The following KCTD8 variants were observed in gnomAD, a reference collection of about 807,000 sequenced individuals.
KCTD8 encodes the protein BTB/POZ domain-containing protein KCTD8.
Under a neutral mutation model 31.5 loss-of-function variants are expected in KCTD8, and 27 were observed. That is an observed-to-expected ratio of 0.86 (90% CI 0.63 to 1.18). The LOEUF (loss-of-function observed/expected upper bound fraction) is 1.18, where lower values mean the gene tolerates loss of function less well. Among genes scored for constraint, KCTD8 ranks in the 50% most tolerant of loss-of-function variants. The pLI is 0.00. For missense variants in KCTD8, 658 were observed against 647.7 expected (o/e 1.02, Z -0.17); for synonymous variants, 290 against 280.0 (o/e 1.04, Z -0.36).
At chr4:44,228,488 AC>A (rs1715028272) in intron 1 of KCTD8, among the ~76,000 whole-genome samples, 1 of 152,160 alleles carries the variant, frequency 6.6e-6, no homozygotes, top group Non-Finnish European at 1.5e-5. Context: ...AACTCCCAAC[AC>A]TTCTTCTCAC....
chr4:44,245,024 T>C (rs954420632), intron 1 of KCTD8, among the ~76,000 whole-genome samples: 2 of 152,176 alleles, frequency 1.3e-5, no homozygotes, highest in Non-Finnish European at 2.9e-5. Flanking sequence ...AAGCACATAC[T>C]TTATTTCAGT....
chr4:44,311,008 T>C (rs75891762), intron 1 of KCTD8, among the ~76,000 whole-genome samples: 1 of 91,878 alleles, frequency 1.1e-5, no homozygotes, highest in Non-Finnish European at 2.3e-5. Context: ...CTTCTTTGTA[T>C]TTTTTTTTCA....
chr4:44,299,595 G>T (rs1261154313), intron 1 of KCTD8, among the ~76,000 whole-genome samples: 5 of 151,892 alleles, frequency 3.3e-5, no homozygotes, highest in Non-Finnish European at 7.4e-5. Context: ...GGACGTGGTG[G>T]CAAGTGCCTG....
Position 44,401,010 on chromosome 4 carries a change from T to TC in KCTD8, c.961+46552dup, listed in dbSNP as rs201951039. ...CACTACCATGATGGCTAATTTTCTTTCTTTTTTTTTTTTTTTTTTTTTTGT... is the reference window on the plus strand; with the variant it reads ...CACTACCATGATGGCTAATTTTCTTTCCTTTTTTTTTTTTTTTTTTTTTTGT... On this transcript the variant is annotated intron_variant, in intron 1 of 1. Transcript: ENST00000360029. Among the ~76,000 whole-genome samples the TC allele has an allele frequency of 2.7e-4, 30 of 111,342 alleles. 1 individual carries two copies. The highest frequency in any genetic ancestry group is 1.2e-3 in the African/African-American group (28 of 24,142). The allele number at this position is 111,342 out of a possible 152,430, so 73.0% of individuals were successfully genotyped here. A position where few individuals can be genotyped will look rare whatever the true frequency, so the allele number is the denominator to read the frequency against.
At chr4:44,222,864 A>G (rs747491787) in intron 1 of KCTD8, among the ~76,000 whole-genome samples, 1 of 152,202 alleles carries the variant, frequency 6.6e-6, no homozygotes, top group Non-Finnish European at 1.5e-5. Context: ...AACAGTAACA[A>G]TAGCTGGTTA....
intron 1 of KCTD8, among the ~76,000 whole-genome samples, chr4:44,291,975 A>C (rs927779194): frequency 2.6e-5 from 4 of 151,416 alleles, no homozygotes; most frequent in Non-Finnish European, 5.9e-5. Flanking sequence ...AAAAAAAAAA[A>C]AAAAAAAACA....
chr4:44,373,486 A>G (rs371904526), intron 1 of KCTD8, among the ~76,000 whole-genome samples: 2 of 152,068 alleles, frequency 1.3e-5, no homozygotes, highest in East Asian at 3.9e-4. Context: ...TTTATCCCAC[A>G]TTTCCTCTTT....
chr4:44,364,172 C>A (rs1467017589), intron 1 of KCTD8, among the ~76,000 whole-genome samples: 2 of 151,822 alleles, frequency 1.3e-5, no homozygotes, highest in African/African-American at 2.4e-5. Context: ...AATATGTTTG[C>A]AAAACACATA....
chr4:44,343,968 C>T (rs1348156817), intron 1 of KCTD8, among the ~76,000 whole-genome samples: 1 of 151,956 alleles, frequency 6.6e-6, no homozygotes, highest in Non-Finnish European at 1.5e-5. Flanking sequence ...AAGTGATTCT[C>T]CTGCCTCAGC....
intron 1 of KCTD8, among the ~76,000 whole-genome samples, chr4:44,247,372 A>T (rs943931896): frequency 7.2e-5 from 11 of 151,778 alleles, no homozygotes; most frequent in Admixed American, 7.2e-4. Context: ...TTTCTTCTCC[A>T]CTATCAACAC....
At chr4:44,362,314 C>A (rs1172888235) in intron 1 of KCTD8, among the ~76,000 whole-genome samples, 1 of 152,084 alleles carries the variant, frequency 6.6e-6, no homozygotes, top group East Asian at 1.9e-4. Flanking sequence ...AGAGAATATG[C>A]ATTATTTTAT....
At chr4:44,222,161 G>A (rs954660226) in intron 1 of KCTD8, among the ~76,000 whole-genome samples, 1 of 152,202 alleles carries the variant, frequency 6.6e-6, no homozygotes, top group African/African-American at 2.4e-5. Flanking sequence ...ATTGCTGTGA[G>A]ATCACAGAAT....
intron 1 of KCTD8, among the ~76,000 whole-genome samples, chr4:44,365,071 T>C (rs1018273295): frequency 1.3e-5 from 2 of 152,066 alleles, no homozygotes; most frequent in African/African-American, 2.4e-5. Flanking sequence ...CTATGGACTA[T>C]AGATAATAAT....
chr4:44,428,966 T>C lies in KCTD8; in HGVS notation c.961+18597A>G, dbSNP rs1414355739. Among the ~76,000 whole-genome samples the C allele has an allele frequency of 6.6e-5, 10 of 151,756 alleles. 1 individual carries two copies. Among genetic ancestry groups the C allele is most frequent in the Non-Finnish European group, 5.9e-5 (4 of 67,844 alleles). On this transcript the variant is annotated intron_variant, in intron 1 of 1. Transcript: ENST00000360029. Reference sequence around the variant, plus strand: ...TGGCACCCAAAGGAGAAGTCCATGCTATCGATACAAATTTGGGAGTCATCT... The same window carrying C: ...TGGCACCCAAAGGAGAAGTCCATGCCATCGATACAAATTTGGGAGTCATCT...
intron 1 of KCTD8, among the ~76,000 whole-genome samples, chr4:44,378,364 AC>A (rs1719972526): frequency 6.6e-6 from 1 of 151,128 alleles, no homozygotes; most frequent in Non-Finnish European, 1.5e-5. Context: ...AATGTAAATG[AC>A]AAATTAATGG....
At chr4:44,304,509 A>G (rs1248303626) in intron 1 of KCTD8, among the ~76,000 whole-genome samples, 2 of 152,166 alleles carry the variant, frequency 1.3e-5, no homozygotes, top group East Asian at 1.9e-4. Context: ...GTAGTTTCAC[A>G]TAACATCTAG....
At chr4:44,186,808 C>T (rs541555631) in intron 1 of KCTD8, among the ~76,000 whole-genome samples, 57 of 152,332 alleles carry the variant, frequency 3.7e-4, no homozygotes, top group African/African-American at 1.3e-3. Flanking sequence ...AGCATCACCA[C>T]ATGGCTAGGC....
At chr4:44,264,194 G>C (rs1030205888) in intron 1 of KCTD8, among the ~76,000 whole-genome samples, 2 of 150,312 alleles carry the variant, frequency 1.3e-5, no homozygotes, top group Non-Finnish European at 3.0e-5. Flanking sequence ...TAATAAAGAA[G>C]AACCACCTCT....
intron 1 of KCTD8, among the ~76,000 whole-genome samples, chr4:44,267,607 C>G (rs1005321842): frequency 1.3e-5 from 2 of 152,040 alleles, no homozygotes; most frequent in Non-Finnish European, 2.9e-5. Context: ...AATCCAGGAG[C>G]TGGTTTTTTG....
Sources: allele counts gnomAD v4.1 joint callset (sites outside exome capture counted in the v4.1 genomes callset), GRCh38; gene constraint gnomAD v4.1.1; transcripts MANE v1.5; gene names NCBI Gene and HGNC (gene_info 2026-07-23, HGNC 2026-07-21).